Variants in TBC1D16 observed in about 807,000 individuals in gnomAD.
TBC1D16 encodes the protein CTD-2529O21.1.
TBC1D16 carries 58 observed loss-of-function variants against 74.7 expected under a neutral mutation model. The ratio of observed to expected loss-of-function variants is 0.78; its 90% CI spans 0.63 to 0.97. The LOEUF is 0.97. TBC1D16 is among the 50% of genes least tolerant of loss of function. The probability of loss-of-function intolerance (pLI) is 0.00; values close to 1 mark genes in which losing one functional copy is unlikely to be tolerated. For missense variants in TBC1D16, 1,014 were observed against 1,079.5 expected, an observed-to-expected ratio of 0.94 and a Z score of 0.85; for synonymous variants, 493 against 474.7, an observed-to-expected ratio of 1.04 and a Z score of -0.50.
Position 79,936,236 on chromosome 17 carries a change from CAG to C in TBC1D16, c.*4621_*4622del, listed in dbSNP as rs2031577912. ...TGGGGTGCATTTTACAGAAGAGTCA[CAG>C]AGAGGCTCGCCCTCGGCGGAGGACA... On this transcript the variant is annotated 3_prime_UTR_variant, in exon 12 of 12. Transcript: ENST00000310924. 6.6e-6 allele frequency: 1 copy of C among 152,250 alleles called. No homozygotes were observed. The highest frequency in any genetic ancestry group is 2.4e-5 in the African/African-American group (1 of 41,436). 9.4% of individuals were successfully genotyped at this position (152,250 alleles called of 1,614,324 possible). A position where few individuals can be genotyped will look rare whatever the true frequency, so the allele number is the denominator to read the frequency against.
Position 80,010,746 on chromosome 17 carries a change from A to C in TBC1D16, c.193T>G (p.Leu65Val), listed in dbSNP as rs776891644. Residue 65 changes from leucine (L) to valine (V), a missense_variant, in exon 3 of 12, where the codon TTG (leucine) becomes GTG (valine). By Grantham distance (32) the Leu-to-Val change is conservative (BLOSUM62 1). Transcript: ENST00000310924. The surrounding 1 kb of genome is among the most constrained non-coding windows in gnomAD (Gnocchi z 8.8). ...AGCATCTCATCCTTCTCCATGTACA[A>C]GCACAGGTAACCTGTGAGGAGCCAG... The part of the protein sequence containing the change: ...LGEHHPGYLC[L>V]YMEKDEMLGA... 145 of 1,494,786 alleles carry C rather than the reference A, an allele frequency of 9.7e-5. No individual in the cohort carries two copies. The highest frequency in any genetic ancestry group is 1.2e-4 in the Non-Finnish European group (140 of 1,124,560). The allele number at this position is 1,494,786 out of a possible 1,614,324, so 92.6% of individuals were successfully genotyped here. A position where few individuals can be genotyped will look rare whatever the true frequency, so the allele number is the denominator to read the frequency against.
intron 1 of TBC1D16, among the ~76,000 whole-genome samples, chr17:80,028,923 T>C (rs1351259512): frequency 6.6e-6 from 1 of 152,098 alleles, no homozygotes; most frequent in Non-Finnish European, 1.5e-5. Flanking sequence ...ACCAGTTGAT[T>C]TCTGTGCTGC....
intron 3 of TBC1D16, among the ~76,000 whole-genome samples, chr17:79,953,916 G>A (rs760179921): frequency 6.2e-4 from 94 of 151,956 alleles, no homozygotes; most frequent in Admixed American, 7.9e-4. Flanking sequence ...GATTACAGAC[G>A]TCCACCACCA....
At chr17:79,972,176 C>CT (rs1555874338) in intron 3 of TBC1D16, among the ~76,000 whole-genome samples, 1 of 151,494 alleles carries the variant, frequency 6.6e-6, no homozygotes, top group South Asian at 2.1e-4. Flanking sequence ...GAAGGAAATT[C>CT]TTTTTTTTTC....
chr17:80,020,263 A>T (rs2036240596), intron 1 of TBC1D16, among the ~76,000 whole-genome samples: 1 of 149,756 alleles, frequency 6.7e-6, no homozygotes, highest in East Asian at 1.9e-4. Context: ...GCCCTAGCAA[A>T]CAAATATACC....
At chr17:79,952,876 G>A (rs1369636910) in intron 3 of TBC1D16, 58 bp from the exon 4 acceptor site, 14 of 1,548,026 alleles carry the variant, frequency 9.0e-6, no homozygotes, top group South Asian at 7.1e-5. Flanking sequence ...ACTACCCAGA[G>A]GGGGACGGGG....
Position 79,985,022 on chromosome 17 carries a change from C to A in TBC1D16, c.779+25138G>T, listed in dbSNP as rs994036457. Reference sequence around the variant, plus strand: ...GTAATGAAGGACCACAGACCAGAAGCTTGAAAACAACAGAAATGTATTGTC... The same window carrying A: ...GTAATGAAGGACCACAGACCAGAAGATTGAAAACAACAGAAATGTATTGTC... On this transcript the variant is annotated intron_variant, in intron 3 of 11. Transcript: ENST00000310924. The surrounding 1 kb of genome is among the most constrained non-coding windows in gnomAD (Gnocchi z 4.9). 6.6e-6 allele frequency among the ~76,000 whole-genome samples: 1 copy of A among 152,098 alleles called. No individual in the cohort carries two copies. Among genetic ancestry groups the A allele is most frequent in the African/African-American group, 2.4e-5 (1 of 41,398 alleles).
chr17:80,022,179 C>G (rs1344079946), intron 1 of TBC1D16, among the ~76,000 whole-genome samples: 1 of 149,726 alleles, frequency 6.7e-6, no homozygotes, highest in East Asian at 1.9e-4. Context: ...CATATATTTA[C>G]CTGAAAGGGA....
chr17:80,005,374 C>T (rs752994690), intron 3 of TBC1D16, among the ~76,000 whole-genome samples: 7 of 152,232 alleles, frequency 4.6e-5, no homozygotes, highest in African/African-American at 1.2e-4. Flanking sequence ...AGCCCCATGG[C>T]GCCCCGTTAT....
rs907199091 is a variant in TBC1D16 at position 79,943,926 on chromosome 17, C to T, written c.1908+982G>A. On this transcript the variant is annotated intron_variant, in intron 10 of 11. Coordinates refer to ENST00000310924, the MANE Select transcript of TBC1D16 (RefSeq NM_019020.4). ...GTGGTGGGAATGAAGCCTCTCAGAC[C>T]GTCCATGCCGTGCTTCCCTTCGTTA... 167 of 1,438,646 alleles carry T rather than the reference C, an allele frequency of 1.2e-4. No homozygotes were observed. The Middle Eastern group carries it at 1.4e-3, about 12-fold the overall frequency. 89.1% of individuals were successfully genotyped at this position (1,438,646 alleles called of 1,614,324 possible). A position where few individuals can be genotyped will look rare whatever the true frequency, so the allele number is the denominator to read the frequency against.
rs571992094 is a variant in TBC1D16, at chr17:80,021,460, T to C, written c.-62-7851A>G. On this transcript the variant is annotated intron_variant, in intron 1 of 11. Transcript: ENST00000310924. Reference sequence around the variant, plus strand: ...GGGTGACAGATTATCCTATATTTATTAGACATTTGTGTTCACTTGTGAATT... The same window carrying C: ...GGGTGACAGATTATCCTATATTTATCAGACATTTGTGTTCACTTGTGAATT... 1.1e-4 allele frequency among the ~76,000 whole-genome samples: 17 copies of C among 149,812 alleles called. 3 individuals are homozygous for C. In the South Asian group the frequency reaches 2.5e-3, roughly 22 times the overall value.
chr17:79,938,306 C>T lies in TBC1D16; in HGVS notation c.*2553G>A, dbSNP rs2031749600. ...GAGAGGTGCAGACCTCACTGGGGTC[C>T]GGGCCAGCCCATGGGGAGCGTGAGG... On this transcript the variant is annotated 3_prime_UTR_variant, in exon 12 of 12. Coordinates refer to ENST00000310924, the MANE Select transcript of TBC1D16 (RefSeq NM_019020.4). The T allele has an allele frequency of 1.3e-5, 2 of 152,378 alleles. No individual in the cohort carries two copies. The highest frequency in any genetic ancestry group is 2.9e-5 in the Non-Finnish European group (2 of 68,172). 9.4% of individuals were successfully genotyped at this position (152,378 alleles called of 1,614,324 possible). A position where few individuals can be genotyped will look rare whatever the true frequency, so the allele number is the denominator to read the frequency against.
At position 79,950,350 on chromosome 17, in the gene TBC1D16, C is replaced by T; in HGVS notation, c.1257+61G>A. On this transcript the variant is annotated intron_variant, in intron 6 of 11. Transcript: ENST00000310924. This position sits in a 1 kb window ranked among gnomAD's most constrained non-coding sequence, Gnocchi z 4.6. ...CCAGGCCCCGGCCCTCCTTCCCTCT[C>T]GCTCGTTCCCGGTTCCCGGCCGGCT... 1 of 1,515,090 alleles carries T rather than the reference C, an allele frequency of 6.6e-7. No homozygotes were observed. 93.9% of individuals were successfully genotyped at this position (1,515,090 alleles called of 1,614,324 possible).
intron 1 of TBC1D16, among the ~76,000 whole-genome samples, chr17:80,024,607 A>ACACATAC (rs2036470617): frequency 1.3e-4 from 20 of 148,198 alleles, no homozygotes; most frequent in Admixed American, 8.0e-4. Flanking sequence ...CACCATAGAC[A>ACACATAC]CACACACCAC....
At chr17:79,989,599 G>C (rs1196099966) in intron 3 of TBC1D16, among the ~76,000 whole-genome samples, 1 of 152,270 alleles carries the variant, frequency 6.6e-6, no homozygotes, top group East Asian at 1.9e-4. Flanking sequence ...AATTGTTCTA[G>C]ATACTGCTCA....
chr17:79,962,944 C>T (rs1414588617), intron 3 of TBC1D16, among the ~76,000 whole-genome samples: 1 of 151,794 alleles, frequency 6.6e-6, no homozygotes, highest in East Asian at 1.9e-4. Flanking sequence ...AGCCTGTAAT[C>T]CCAGCTGAGA....
intron 3 of TBC1D16, among the ~76,000 whole-genome samples, chr17:79,960,811 G>GAAAAA (rs2033578708): frequency 5.0e-5 from 2 of 40,320 alleles, no homozygotes; most frequent in African/African-American, 9.7e-5. Context: ...AAAAAAAAAC[G>GAAAAA]AAGGAATGAA....
intron 5 of TBC1D16, 150 bp downstream of exon 5, chr17:79,951,300 C>A: frequency 1.1e-6 from 1 of 906,748 alleles, no homozygotes; most frequent in South Asian, 1.7e-5. Context: ...CCCAAAGTTG[C>A]TGCTCTGACG....
Position 79,936,409 on chromosome 17 carries a change from TG to T in TBC1D16, c.*4449del, listed in dbSNP as rs2031590282. The T allele has an allele frequency of 6.6e-6, 1 of 152,184 alleles. No homozygotes were observed. The highest frequency in any genetic ancestry group is 1.5e-5 in the Non-Finnish European group (1 of 68,050). The allele number at this position is 152,184 out of a possible 1,614,324, so 9.4% of individuals were successfully genotyped here. ...TTCCCTGAGTGGCAGGTGTGGTCCC[TG>T]GGACTTCATAAACCATCCTCATGAC... On this transcript the variant is annotated 3_prime_UTR_variant, in exon 12 of 12. Transcript: ENST00000310924.
Sources: gnomAD v4.1 joint callset for allele counts (sites outside exome capture counted in the v4.1 genomes callset) on GRCh38, gnomAD v4.1.1 for gene constraint, Gnocchi (gnomAD v3.1) non-coding constraint, MANE v1.5 for transcripts, NCBI Gene and HGNC (gene_info 2026-07-23, HGNC 2026-07-21) for gene names.